CERS4: variants seen among roughly 807,000 people sequenced by gnomAD.
CERS4 encodes LAG1 homolog, ceramide synthase 4.
In CERS4, 65 loss-of-function variants were observed where a neutral mutation model predicts 51.8. The observed-to-expected ratio is 1.26, with a 90% CI of 1.03 to 1.54. CERS4 has a LOEUF of 1.54. Among genes scored for constraint, CERS4 ranks in the 40% most tolerant of loss-of-function variants. The pLI is 0.00. For missense variants in CERS4, 563 were observed against 500.4 expected, an observed-to-expected ratio of 1.13 and a Z score of -1.19; for synonymous variants, 228 against 208.4, an observed-to-expected ratio of 1.09 and a Z score of -0.81.
At chr19:8,227,923 G>A (rs1450675571) in intron 2 of CERS4, among the ~76,000 whole-genome samples, 3 of 152,054 alleles carry the variant, frequency 2.0e-5, no homozygotes, top group Non-Finnish European at 4.4e-5. Context: ...ATGCAGTGGC[G>A]TGATCTCGGC....
At chr19:8,214,190 A>C (rs1967196102) in intron 2 of CERS4, among the ~76,000 whole-genome samples, 2 of 151,854 alleles carry the variant, frequency 1.3e-5, no homozygotes, top group Non-Finnish European at 2.9e-5. Flanking sequence ...ATCATTTCCT[A>C]TCAGCTATGC....
At chr19:8,230,590 AT>A (rs1967969256) in intron 2 of CERS4, among the ~76,000 whole-genome samples, 1 of 152,198 alleles carries the variant, frequency 6.6e-6, no homozygotes, top group South Asian at 2.1e-4. Context: ...CATTTTAAAC[AT>A]GTTTAAGTGT....
At chr19:8,236,073 G>A (rs1244779770) in intron 2 of CERS4, among the ~76,000 whole-genome samples, 2 of 152,116 alleles carry the variant, frequency 1.3e-5, no homozygotes, top group Non-Finnish European at 1.5e-5. Context: ...GCGGGCACCT[G>A]TAGTCCCAGC....
intron 2 of CERS4, among the ~76,000 whole-genome samples, chr19:8,217,437 C>T (rs34284870): frequency 0.33 from 50,416 of 151,662 alleles, 8,834 homozygotes; most frequent in Non-Finnish European, 0.39. Context: ...GGCGCAATCT[C>T]GGTTCACTGC....
intron 2 of CERS4, among the ~76,000 whole-genome samples, chr19:8,247,920 GATGAGGTTTC>G (rs1968862367): frequency 6.6e-6 from 1 of 151,692 alleles, no homozygotes; most frequent in Non-Finnish European, 1.5e-5. Context: ...TTTTAGTAGA[GATGAGGTTTC>G]ACCATGTGGG....
At chr19:8,236,012 G>A (rs1968234694) in intron 2 of CERS4, among the ~76,000 whole-genome samples, 1 of 152,026 alleles carries the variant, frequency 6.6e-6, no homozygotes, top group Non-Finnish European at 1.5e-5. Flanking sequence ...TGGCTAACAC[G>A]GTGAAACCCC....
intron 2 of CERS4, among the ~76,000 whole-genome samples, chr19:8,223,589 A>G (rs1182346609): frequency 6.6e-6 from 1 of 152,100 alleles, no homozygotes; most frequent in African/African-American, 2.4e-5. Context: ...ATTGTGCTCC[A>G]GCCTAGGCAA....
At chr19:8,211,212 T>C (rs1345795222) in intron 2 of CERS4, among the ~76,000 whole-genome samples, 4 of 151,928 alleles carry the variant, frequency 2.6e-5, no homozygotes, top group Non-Finnish European at 5.9e-5. Context: ...CAGAATGTCT[T>C]GGCTCAGGAG....
At chr19:8,248,904 T>C (rs1115198) in intron 2 of CERS4, among the ~76,000 whole-genome samples, 2 of 127,736 alleles carry the variant, frequency 1.6e-5, no homozygotes, top group Admixed American at 8.0e-5. Flanking sequence ...TGGGTGGACA[T>C]ATGGATGATG....
intron 5 of CERS4, 39 bp from the exon 6 acceptor site, chr19:8,255,783 G>T (rs763330915): frequency 1.4e-6 from 2 of 1,396,826 alleles, no homozygotes; most frequent in African/African-American, 1.5e-5. Context: ...GGGGCGGGGC[G>T]GGTGTCTGCT....
intron 2 of CERS4, among the ~76,000 whole-genome samples, chr19:8,213,364 T>C (rs1216944260): frequency 6.6e-6 from 1 of 151,932 alleles, no homozygotes; most frequent in Non-Finnish European, 1.5e-5. Context: ...CAGGTTGGAG[T>C]GCAGTGGCAT....
Position 8,261,978 on chromosome 19 carries a change from G to A in CERS4, c.1054G>A (p.Glu352Lys). 6.2e-7 allele frequency: 1 copy of A among 1,602,028 alleles called. No homozygotes were observed. The highest frequency in any genetic ancestry group is 8.5e-7 in the Non-Finnish European group (1 of 1,174,532). ...TGTAGAAGAATCAGACTCCAGTGAG[G>A]AGGCGGCGGCGGCCCAGGAACCTCT... ...SDVEESDSSEEAAAAQEPLQL... is the reference protein window; with the variant it reads ...SDVEESDSSEKAAAAQEPLQL... The change falls in exon 12 of 12, where the codon GAG (glutamate) becomes AAG (lysine). Residue 352 changes from glutamate (E) to lysine (K), a missense_variant. Coordinates refer to ENST00000251363, the MANE Select transcript of CERS4 (RefSeq NM_024552.3).
chr19:8,217,839 T>C (rs1459508637), intron 2 of CERS4, among the ~76,000 whole-genome samples: 1 of 152,042 alleles, frequency 6.6e-6, no homozygotes, highest in Non-Finnish European at 1.5e-5. Flanking sequence ...ACCTGGCTAA[T>C]TTTTGTATTC....
At chr19:8,226,284 A>G (rs1014176847) in intron 2 of CERS4, among the ~76,000 whole-genome samples, 1 of 152,138 alleles carries the variant, frequency 6.6e-6, no homozygotes, top group Non-Finnish European at 1.5e-5. Flanking sequence ...GTCCCTGGGT[A>G]AGCGTCTGAT....
chr19:8,212,849 T>C (rs12610640), intron 2 of CERS4, among the ~76,000 whole-genome samples: 21,095 of 151,442 alleles, frequency 0.14, 2,261 homozygotes, highest in African/African-American at 0.29. Context: ...GGTTTCACCA[T>C]GTTGGCCAGG....
Position 8,255,802 on chromosome 19 carries a change from A to G in CERS4, c.411-20A>G. ...CGGGGCGGGTGTCTGCTATTTTCACAGCTCCCTCCCCATCCACAGCTGGAG... is the reference window on the plus strand; with the variant it reads ...CGGGGCGGGTGTCTGCTATTTTCACGGCTCCCTCCCCATCCACAGCTGGAG... On this transcript the variant is annotated intron_variant, in intron 5 of 11. Coordinates refer to ENST00000251363, the MANE Select transcript of CERS4 (RefSeq NM_024552.3). 1 of 1,613,536 alleles carries G rather than the reference A, an allele frequency of 6.2e-7. No individual in the cohort carries two copies. The highest frequency in any genetic ancestry group is 2.2e-5 in the East Asian group (1 of 44,862).
At chr19:8,229,996 G>C (rs568032921) in intron 2 of CERS4, among the ~76,000 whole-genome samples, 2 of 152,308 alleles carry the variant, frequency 1.3e-5, no homozygotes, top group African/African-American at 2.4e-5. Flanking sequence ...AAAGTGCTGG[G>C]GTTACAGGTG....
intron 2 of CERS4, among the ~76,000 whole-genome samples, chr19:8,249,274 T>A (rs1000752355): frequency 4.0e-5 from 6 of 151,862 alleles, no homozygotes; most frequent in Non-Finnish European, 5.9e-5. Context: ...GATCGGTAGA[T>A]AGATGGACAG....
intron 2 of CERS4, among the ~76,000 whole-genome samples, 172 bp downstream of exon 2, chr19:8,211,034 T>C (rs1967063810): frequency 6.6e-6 from 1 of 151,964 alleles, no homozygotes; most frequent in Non-Finnish European, 1.5e-5. Context: ...TAGGCAGATC[T>C]CGGTGGCAGC....
Sources: gnomAD v4.1 joint callset for allele counts (sites outside exome capture counted in the v4.1 genomes callset) on GRCh38, gnomAD v4.1.1 for gene constraint, MANE v1.5 for transcripts, NCBI Gene and HGNC (gene_info 2026-07-23, HGNC 2026-07-21) for gene names.